Variants in CTNNA1 observed in about 807,000 individuals in gnomAD.
CTNNA1 encodes the protein catenin alpha 1, also known as catenin alpha-1.
In CTNNA1, 37 loss-of-function variants were observed where a neutral mutation model predicts 98.4. The observed-to-expected ratio is 0.38, with a 90% confidence interval of 0.29 to 0.49. CTNNA1 has a LOEUF of 0.49. Ranked by LOEUF, CTNNA1 falls within the 20% of genes least tolerant of loss-of-function variation. The pLI is 0.95. For missense variants in CTNNA1, 761 were observed against 1,147.2 expected (o/e 0.66, Z 4.86); for synonymous variants, 404 against 413.2 (o/e 0.98, Z 0.27).
intron 9 of CTNNA1, among the ~76,000 whole-genome samples, chr5:138,891,605 C>T (rs1755374318): frequency 6.6e-6 from 1 of 151,988 alleles, no homozygotes; most frequent in Non-Finnish European, 1.5e-5. Flanking sequence ...ACCAAAAATA[C>T]AAAAATTAGC....
intron 10 of CTNNA1, among the ~76,000 whole-genome samples, chr5:138,911,598 A>G (rs796126255): frequency 8.5e-5 from 13 of 152,314 alleles, no homozygotes; most frequent in African/African-American, 2.9e-4. Flanking sequence ...GGAGAAGTTA[A>G]GGGCTGGCTT....
chr5:138,931,209 C>T, intron 16 of CTNNA1: 1 of 419,648 alleles, frequency 2.4e-6, no homozygotes, highest in Non-Finnish European at 4.4e-6. Context: ...GGGCCGAGAG[C>T]AGCCAGAAGC....
At chr5:138,818,649 T>C (rs1407608385) in intron 5 of CTNNA1, among the ~76,000 whole-genome samples, 1 of 152,226 alleles carries the variant, frequency 6.6e-6, no homozygotes. Flanking sequence ...GGTGCCTCAG[T>C]TGCCTAGGCT....
intron 7 of CTNNA1, among the ~76,000 whole-genome samples, chr5:138,838,665 G>GA (rs1242711129): frequency 6.6e-6 from 1 of 151,982 alleles, no homozygotes; most frequent in Non-Finnish European, 1.5e-5. Flanking sequence ...TTATTGACTT[G>GA]AGACCTTTCT....
chr5:138,753,505 C>G lies in CTNNA1; in HGVS notation c.-8C>G. On this transcript the variant is annotated 5_prime_UTR_variant, in exon 1 of 18. Coordinates refer to ENST00000302763, the MANE Select transcript of CTNNA1 (RefSeq NM_001903.5). ...TGGAATTTAGCGCTCGCCCAGCTAG[C>G]CGCAGGTAACTTCGTACCTCCCTCC... 1 of 378,648 alleles carries G rather than the reference C, an allele frequency of 2.6e-6. No individual in the cohort carries two copies. Among genetic ancestry groups the G allele is most frequent in the East Asian group, 3.8e-5 (1 of 26,596 alleles). The allele number at this position is 378,648 out of a possible 1,614,324, so 23.5% of individuals were successfully genotyped here.
chr5:138,864,795 GTTTTTTGTTT>G (rs1249522186), intron 7 of CTNNA1, among the ~76,000 whole-genome samples: 1 of 32,240 alleles, frequency 3.1e-5, no homozygotes, highest in African/African-American at 1.1e-4. Flanking sequence ...TGGAAGATGT[GTTTTTTGTTT>G]TTGTTTTTGT....
At chr5:138,761,893 C>G (rs1752420456) in intron 1 of CTNNA1, 1 of 152,212 alleles carries the variant, frequency 6.6e-6, no homozygotes, top group Non-Finnish European at 1.5e-5. Flanking sequence ...GGAGCTGGGA[C>G]TACAGGCGCC....
chr5:138,762,362 T>G (rs1212412023), intron 1 of CTNNA1, among the ~76,000 whole-genome samples: 2 of 152,200 alleles, frequency 1.3e-5, no homozygotes, highest in Non-Finnish European at 2.9e-5. Context: ...TGCTCACTTG[T>G]GAGAGCACTA....
chr5:138,887,776 A>G (rs1246879980), intron 9 of CTNNA1, 134 bp downstream of exon 9: 6 of 711,840 alleles, frequency 8.4e-6, no homozygotes, highest in Non-Finnish European at 1.2e-5. Flanking sequence ...ATAGTCTTTC[A>G]TTATCACTTA....
At chr5:138,858,879 G>A (rs538549721) in intron 7 of CTNNA1, among the ~76,000 whole-genome samples, 4 of 152,314 alleles carry the variant, frequency 2.6e-5, no homozygotes, top group East Asian at 1.9e-4. Flanking sequence ...GATTACAGGC[G>A]TGAGCCACTG....
At chr5:138,810,746 C>G (rs1001768088) in intron 4 of CTNNA1, among the ~76,000 whole-genome samples, 3 of 152,362 alleles carry the variant, frequency 2.0e-5, no homozygotes, top group Admixed American at 1.3e-4. Context: ...ACCTTTCCCC[C>G]CTTTCTATTC....
chr5:138,926,642 G>A (rs532221638), intron 13 of CTNNA1, among the ~76,000 whole-genome samples: 16 of 152,246 alleles, frequency 1.1e-4, no homozygotes, highest in Non-Finnish European at 1.8e-4. Context: ...TCCCTTGCAC[G>A]TCTTTGTACT....
At chr5:138,863,528 G>A (rs572699746) in intron 7 of CTNNA1, among the ~76,000 whole-genome samples, 1 of 152,326 alleles carries the variant, frequency 6.6e-6, no homozygotes, top group South Asian at 2.1e-4. Flanking sequence ...TTCCAGGTGT[G>A]AGCCACTGCA....
In CTNNA1 at chr5:138,886,066, A is replaced by G. The variant is rs371149277; in HGVS notation, c.1063-146A>G. 3.4e-5 allele frequency: 25 copies of G among 727,992 alleles called. No individual in the cohort carries two copies. The East Asian group carries it at 7.1e-4, about 21-fold the overall frequency. 45.1% of individuals were successfully genotyped at this position (727,992 alleles called of 1,614,324 possible). A position where few individuals can be genotyped will look rare whatever the true frequency, so the allele number is the denominator to read the frequency against. ...GTTTTTATGAATAAAGCCACATAACACCCCTCTGCTCCCCAGTATTTTCCA... is the reference window on the plus strand; with the variant it reads ...GTTTTTATGAATAAAGCCACATAACGCCCCTCTGCTCCCCAGTATTTTCCA... On this transcript the variant is annotated intron_variant, in intron 7 of 17. Coordinates refer to ENST00000302763, the MANE Select transcript of CTNNA1 (RefSeq NM_001903.5).
At chr5:138,777,074 G>A (rs1390323119) in intron 1 of CTNNA1, among the ~76,000 whole-genome samples, 2 of 152,068 alleles carry the variant, frequency 1.3e-5, no homozygotes, top group East Asian at 3.9e-4. Context: ...GGTGGCTGCC[G>A]GGCGGAGGGG....
chr5:138,828,164 A>G (rs10079065), intron 7 of CTNNA1: 3,495 of 162,416 alleles, frequency 0.022, 133 homozygotes, highest in African/African-American at 0.08. Context: ...TCATTATCCC[A>G]AGTAGGTGGC....
intron 7 of CTNNA1, among the ~76,000 whole-genome samples, chr5:138,850,306 G>A (rs913554819): frequency 6.6e-6 from 1 of 151,908 alleles, no homozygotes; most frequent in Non-Finnish European, 1.5e-5. Flanking sequence ...CTGTACTATG[G>A]CATCAGCTTA....
chr5:138,785,385 G>T (rs1370770789), intron 3 of CTNNA1, among the ~76,000 whole-genome samples: 1 of 152,032 alleles, frequency 6.6e-6, no homozygotes, highest in Non-Finnish European at 1.5e-5. Context: ...GTAGTTTAAT[G>T]GTCCAGTTCA....
intron 9 of CTNNA1, among the ~76,000 whole-genome samples, chr5:138,897,744 A>G (rs1194874848): frequency 2.6e-5 from 4 of 152,158 alleles, no homozygotes; most frequent in Non-Finnish European, 4.4e-5. Context: ...GTTTGAGACA[A>G]AATTGTCTTA....
Sources: gnomAD v4.1 joint callset for allele counts (sites outside exome capture counted in the v4.1 genomes callset) on GRCh38, gnomAD v4.1.1 for gene constraint, MANE v1.5 for transcripts, NCBI Gene and HGNC (gene_info 2026-07-23, HGNC 2026-07-21) for gene names.